Variants in EPS15 observed in about 807,000 individuals in gnomAD.
EPS15 encodes epidermal growth factor receptor substrate 15.
EPS15 carries 72 observed loss-of-function variants against 113.8 expected under a neutral mutation model. That is an observed-to-expected ratio of 0.63 (90% CI 0.52 to 0.77). The LOEUF is 0.77. Ranked by LOEUF, EPS15 falls within the 30% of genes least tolerant of loss-of-function variation. The probability of loss-of-function intolerance (pLI) is 0.00; values close to 1 mark genes in which losing one functional copy is unlikely to be tolerated. For missense variants in EPS15, 1,048 were observed against 1,045.8 expected (o/e 1.00, Z -0.03); for synonymous variants, 344 against 363.4 (o/e 0.95, Z 0.61).
rs1481955308 is a variant in EPS15, at chr1:51,354,370, G to C, written c.*2330C>G. On this transcript the variant is annotated 3_prime_UTR_variant, in exon 25 of 25. Transcript: ENST00000371733. ...ACCTACTCCTCCTTGGACACAGCATGGACATAATCAGAGAACCATGCAAAA... is the reference window on the plus strand; with the variant it reads ...ACCTACTCCTCCTTGGACACAGCATCGACATAATCAGAGAACCATGCAAAA... The C allele has an allele frequency of 5.6e-6, 1 of 180,034 alleles. No homozygotes were observed. Among genetic ancestry groups the C allele is most frequent in the Non-Finnish European group, 1.2e-5 (1 of 84,154 alleles). The allele number at this position is 180,034 out of a possible 1,614,324, so 11.2% of individuals were successfully genotyped here.
At position 51,356,657 on chromosome 1, in the gene EPS15, G is replaced by A. The variant is rs1646223895; in HGVS notation, c.*43C>T. The A allele has an allele frequency of 6.4e-7, 1 of 1,551,052 alleles. No homozygotes were observed. Among genetic ancestry groups the A allele is most frequent in the East Asian group, 2.3e-5 (1 of 43,224 alleles). On this transcript the variant is annotated 3_prime_UTR_variant, in exon 25 of 25. Transcript: ENST00000371733. ...ACATTGTAAATAGTTTCAGTATTCAGGAAGAAGAATACTATATTGTTGCCA... is the reference window on the plus strand; with the variant it reads ...ACATTGTAAATAGTTTCAGTATTCAAGAAGAAGAATACTATATTGTTGCCA...
At chr1:51,450,197 G>A (rs1653425128) in intron 8 of EPS15, among the ~76,000 whole-genome samples, 1 of 151,766 alleles carries the variant, frequency 6.6e-6, no homozygotes, top group Admixed American at 6.5e-5. Context: ...CCCTGCAGGA[G>A]CCAGGGCACT....
At chr1:51,517,135 T>C (rs2148574299) in intron 1 of EPS15, among the ~76,000 whole-genome samples, 1 of 152,344 alleles carries the variant, frequency 6.6e-6, no homozygotes, top group Admixed American at 6.5e-5. Context: ...CATTAGGGTA[T>C]ACTAGCAACT....
intron 7 of EPS15, chr1:51,462,135 G>C (rs1654495313): frequency 6.6e-6 from 1 of 152,230 alleles, no homozygotes; most frequent in South Asian, 2.1e-4. Flanking sequence ...GGCTGAAGCA[G>C]GTGGATCACC....
intron 1 of EPS15, among the ~76,000 whole-genome samples, chr1:51,517,456 C>G (rs1186363241): frequency 6.6e-6 from 1 of 152,102 alleles, no homozygotes; most frequent in African/African-American, 2.4e-5. Flanking sequence ...TGGTATTACC[C>G]AGGGAGAGAA....
chr1:51,514,287 G>A (rs527324631), intron 1 of EPS15, among the ~76,000 whole-genome samples: 176 of 152,126 alleles, frequency 1.2e-3, no homozygotes, highest in Admixed American at 3.6e-3. Flanking sequence ...GTAACTTTTC[G>A]TTTATTATTT....
chr1:51,362,661 C>T (rs989675912), intron 23 of EPS15, among the ~76,000 whole-genome samples: 2 of 151,992 alleles, frequency 1.3e-5, no homozygotes, highest in South Asian at 2.1e-4. Context: ...AACAGATTAT[C>T]GGATATTTAC....
rs145308220 is a variant in EPS15, at chr1:51,415,691, G to A, written c.1114-5995C>T. On this transcript the variant is annotated intron_variant, in intron 13 of 24. Transcript: ENST00000371733. Reference sequence around the variant, plus strand: ...GATGCCTGTAATCCCAGCTACTTGGGAGGCTGAGGCAGGAGAATCACTTAA... The same window carrying A: ...GATGCCTGTAATCCCAGCTACTTGGAAGGCTGAGGCAGGAGAATCACTTAA... Among the ~76,000 whole-genome samples the A allele has an allele frequency of 6.8e-3, 1,021 of 150,254 alleles. 11 individuals are homozygous for A. The highest frequency in any genetic ancestry group is 0.023 in the African/African-American group (940 of 40,830).
intron 21 of EPS15, among the ~76,000 whole-genome samples, chr1:51,390,450 C>A (rs1281116178): frequency 1.3e-5 from 2 of 152,084 alleles, no homozygotes; most frequent in African/African-American, 2.4e-5. Context: ...ACAACAGAAG[C>A]CAAAATTGAC....
chr1:51,505,476 T>C (rs1644483194), intron 1 of EPS15, among the ~76,000 whole-genome samples: 1 of 152,150 alleles, frequency 6.6e-6, no homozygotes, highest in South Asian at 2.1e-4. Context: ...ACAAACTCTA[T>C]AGAGACAGAA....
At chr1:51,496,850 T>C (rs891228520) in intron 1 of EPS15, among the ~76,000 whole-genome samples, 54 of 152,346 alleles carry the variant, frequency 3.5e-4, no homozygotes, top group African/African-American at 1.2e-3. Flanking sequence ...AATTCTACAA[T>C]GTTCTCCAAG....
chr1:51,459,470 T>C (rs1440123912), intron 8 of EPS15, among the ~76,000 whole-genome samples: 1 of 152,058 alleles, frequency 6.6e-6, no homozygotes, highest in Non-Finnish European at 1.5e-5. Context: ...CACTCCATAC[T>C]GGGCAACAGA....
At chr1:51,360,306 G>GA (rs1463311381) in intron 24 of EPS15, among the ~76,000 whole-genome samples, 3 of 152,096 alleles carry the variant, frequency 2.0e-5, no homozygotes, top group East Asian at 1.9e-4. Context: ...TATTTTGCCT[G>GA]AAAAAACTGT....
chr1:51,384,673 G>A (rs1311785205), intron 21 of EPS15, among the ~76,000 whole-genome samples: 1 of 152,096 alleles, frequency 6.6e-6, no homozygotes, highest in Non-Finnish European at 1.5e-5. Context: ...AAAGTTGGTA[G>A]TCAAACTTTC....
At chr1:51,360,669 A>G (rs1472036037) in intron 24 of EPS15, among the ~76,000 whole-genome samples, 2 of 152,228 alleles carry the variant, frequency 1.3e-5, no homozygotes, top group Admixed American at 1.3e-4. Flanking sequence ...TGTAAGTTTA[A>G]TAGTTTTACT....
At chr1:51,513,042 C>T (rs1644653891) in intron 1 of EPS15, among the ~76,000 whole-genome samples, 1 of 151,800 alleles carries the variant, frequency 6.6e-6, no homozygotes, top group African/African-American at 2.4e-5. Flanking sequence ...ACTATGTTAC[C>T]CAGGCCTTGA....
At chr1:51,484,237 C>T (rs1029120256) in intron 1 of EPS15, among the ~76,000 whole-genome samples, 4 of 152,118 alleles carry the variant, frequency 2.6e-5, no homozygotes, top group African/African-American at 9.6e-5. Flanking sequence ...TTCAGCTTAA[C>T]ATATGTCTCC....
chr1:51,504,532 C>G (rs541056491), intron 1 of EPS15, among the ~76,000 whole-genome samples: 1 of 152,086 alleles, frequency 6.6e-6, no homozygotes, highest in Non-Finnish European at 1.5e-5. Context: ...GGACTTCTAT[C>G]TAGAATACAT....
intron 12 of EPS15, chr1:51,423,473 T>C (rs1047219378): frequency 1.0e-6 from 1 of 985,318 alleles, no homozygotes; most frequent in African/African-American, 1.7e-5. Flanking sequence ...ATGAATGTTT[T>C]CAGTCTTGCT....
Sources: allele counts gnomAD v4.1 joint callset (sites outside exome capture counted in the v4.1 genomes callset), GRCh38; gene constraint gnomAD v4.1.1; transcripts MANE v1.5; gene names NCBI Gene and HGNC (gene_info 2026-07-23, HGNC 2026-07-21).